The following STX7 variants were observed in gnomAD, a reference collection of about 807,000 sequenced individuals.
STX7 encodes the protein syntaxin 7.
In STX7, 34 loss-of-function variants were observed where a neutral mutation model predicts 39.6. The ratio of observed to expected loss-of-function variants is 0.86; its 90% confidence interval spans 0.65 to 1.14. The LOEUF (loss-of-function observed/expected upper bound fraction) is 1.14, where lower values mean the gene tolerates loss of function less well. Among genes scored for constraint, STX7 ranks in the 50% most tolerant of loss-of-function variants. STX7 has a pLI of 0.00. For synonymous variants in STX7, 119 were observed against 99.1 expected (o/e 1.20, Z -1.19); for missense variants, 284 against 310.4 (o/e 0.92, Z 0.64).
intron 2 of STX7, among the ~76,000 whole-genome samples, chr6:132,496,428 A>G (rs1422813635): frequency 2.0e-5 from 3 of 152,142 alleles, no homozygotes; most frequent in Admixed American, 1.3e-4. Context: ...TAATTCTGAC[A>G]GGATACAAAC....
intron 8 of STX7, among the ~76,000 whole-genome samples, chr6:132,467,662 G>A (rs1774596262): frequency 6.6e-6 from 1 of 152,080 alleles, no homozygotes; most frequent in African/African-American, 2.4e-5. Flanking sequence ...GATCTACTGG[G>A]GATACAGAGG....
chr6:132,485,804 T>C lies in STX7; in HGVS notation c.86-10142A>G, dbSNP rs147880497. Among the ~76,000 whole-genome samples the C allele has an allele frequency of 3.1e-3, 479 of 152,360 alleles. 3 individuals carry two copies. The highest frequency in any genetic ancestry group is 0.01 in the African/African-American group (431 of 41,580). Reference sequence around the variant, plus strand: ...CCTATTTGTCATCTGTATATCTTCTTTGTTGAAGTGTCTGTTCAAATAACA... The same window carrying C: ...CCTATTTGTCATCTGTATATCTTCTCTGTTGAAGTGTCTGTTCAAATAACA... On this transcript the variant is annotated intron_variant, in intron 2 of 9. Transcript: ENST00000367941.
Position 132,456,150 on chromosome 6 carries a change from T to C in STX7, c.*4608A>G, listed in dbSNP as rs1582639193. ...TGCCACCAAGAGAACGGCTCCTTTTTGGAGCCATTACACACAGATCATCAC... is the reference window on the plus strand; with the variant it reads ...TGCCACCAAGAGAACGGCTCCTTTTCGGAGCCATTACACACAGATCATCAC... On this transcript the variant is annotated 3_prime_UTR_variant, in exon 10 of 10. Transcript: ENST00000367941. The C allele has an allele frequency of 6.6e-6, 1 of 152,176 alleles. No homozygotes were observed. Among genetic ancestry groups the C allele is most frequent in the Non-Finnish European group, 1.5e-5 (1 of 68,034 alleles). 9.4% of individuals were successfully genotyped at this position (152,176 alleles called of 1,614,324 possible).
intron 8 of STX7, among the ~76,000 whole-genome samples, chr6:132,466,486 T>A (rs1413953923): frequency 6.6e-6 from 1 of 152,194 alleles, no homozygotes; most frequent in East Asian, 1.9e-4. Context: ...CCCTTCACTG[T>A]GCAAAAGCAA....
chr6:132,460,740 G>T lies in STX7; in HGVS notation c.*18C>A. 6.4e-7 allele frequency: 1 copy of T among 1,554,406 alleles called. No homozygotes were observed. On this transcript the variant is annotated 3_prime_UTR_variant, in exon 10 of 10. Transcript: ENST00000367941. ...ATAATTTAGACAATGTAGTGCGACA[G>T]TGTGCTCCTTTATAACTTCAGTGGT...
intron 2 of STX7, among the ~76,000 whole-genome samples, chr6:132,488,313 T>C (rs747760154): frequency 2.0e-5 from 3 of 152,228 alleles, no homozygotes; most frequent in Non-Finnish European, 4.4e-5. Flanking sequence ...ATAGAGTCTA[T>C]CTTAATAAAT....
intron 2 of STX7, among the ~76,000 whole-genome samples, chr6:132,502,823 T>C (rs956505398): frequency 6.6e-5 from 10 of 151,732 alleles, no homozygotes; most frequent in South Asian, 2.1e-4. Context: ...GGTGTGAACC[T>C]GGGAGGCGGA....
At chr6:132,502,058 T>G (rs1374839671) in intron 2 of STX7, among the ~76,000 whole-genome samples, 2 of 152,214 alleles carry the variant, frequency 1.3e-5, no homozygotes, top group Non-Finnish European at 2.9e-5. Context: ...CACTTCCTTG[T>G]TCTTCCAGAA....
At chr6:132,461,997 T>C (rs1202990799) in intron 9 of STX7, 1 of 822,348 alleles carries the variant, frequency 1.2e-6, no homozygotes, top group Non-Finnish European at 1.8e-6. Context: ...ATTCATCTAA[T>C]TTTTCCAGTG....
intron 9 of STX7, 67 bp downstream of exon 9, chr6:132,463,926 A>G (rs1774488153): frequency 2.0e-6 from 3 of 1,471,722 alleles, no homozygotes; most frequent in Non-Finnish European, 1.9e-6. Flanking sequence ...CTGCTTCCTC[A>G]ACACAAACAC....
chr6:132,464,482 G>T (rs1349809649), intron 8 of STX7, among the ~76,000 whole-genome samples: 1 of 152,142 alleles, frequency 6.6e-6, no homozygotes, highest in Non-Finnish European at 1.5e-5. Context: ...TACTGCTGAA[G>T]ATTTTGTTCA....
At chr6:132,479,236 T>C (rs1029957099) in intron 2 of STX7, among the ~76,000 whole-genome samples, 1 of 152,194 alleles carries the variant, frequency 6.6e-6, no homozygotes, top group African/African-American at 2.4e-5. Context: ...TTACCAGCTT[T>C]AGCTTCAACT....
At chr6:132,485,086 A>C (rs1775100129) in intron 2 of STX7, among the ~76,000 whole-genome samples, 1 of 152,220 alleles carries the variant, frequency 6.6e-6, no homozygotes, top group Non-Finnish European at 1.5e-5. Flanking sequence ...ACATATGTGT[A>C]CATCTGTAAA....
In STX7 at chr6:132,471,533, T is replaced by C; in HGVS notation, c.317A>G (p.Lys106Arg). 1.9e-6 allele frequency: 3 copies of C among 1,614,094 alleles called. No individual in the cohort carries two copies. Among genetic ancestry groups the C allele is most frequent in the Non-Finnish European group, 2.5e-6 (3 of 1,179,956 alleles). ...TCGCTCAGCAGCCTGCCTCTGGACC[T>C]TCTGGAAGTTTGTCAGTGATGTTGT... ...EFTTSLTNFQ[K>R]VQRQAAEREK... Residue 106 changes from lysine to arginine, a missense_variant, in exon 5 of 10, where the codon AAG becomes AGG. Coordinates refer to ENST00000367941, the MANE Select transcript of STX7 (RefSeq NM_003569.3).
chr6:132,483,057 AT>A (rs1775049656), intron 2 of STX7, among the ~76,000 whole-genome samples: 1 of 152,102 alleles, frequency 6.6e-6, no homozygotes, highest in Non-Finnish European at 1.5e-5. Flanking sequence ...GTCCTCAGTT[AT>A]TAAAAATTAC....
Position 132,458,698 on chromosome 6 carries a change from T to C in STX7, c.*2060A>G, listed in dbSNP as rs1774310314. On this transcript the variant is annotated 3_prime_UTR_variant, in exon 10 of 10. Transcript: ENST00000367941. ...AATTTGGCTACCATACTATGTTTCT[T>C]ATTTAATTTTCTCTAATCAATACTA... is the stretch of plus-strand genomic sequence containing the variant. The C allele has an allele frequency of 6.6e-6, 1 of 152,236 alleles. No individual in the cohort carries two copies. Among genetic ancestry groups the C allele is most frequent in the Non-Finnish European group, 1.5e-5 (1 of 68,042 alleles). 9.4% of individuals were successfully genotyped at this position (152,236 alleles called of 1,614,324 possible).
At chr6:132,503,644 C>T (rs960128367) in intron 1 of STX7, 56 bp from the exon 2 acceptor site, 3 of 737,822 alleles carry the variant, frequency 4.1e-6, no homozygotes. Flanking sequence ...CTTACATTTT[C>T]CAAATTAACA....
intron 8 of STX7, among the ~76,000 whole-genome samples, chr6:132,464,535 G>T (rs1774509386): frequency 6.9e-6 from 1 of 144,784 alleles, no homozygotes; most frequent in African/African-American, 2.5e-5. Flanking sequence ...AGAATATTAT[G>T]TCCTCAGAGG....
rs1252636795 is a variant in STX7 at position 132,501,047 on chromosome 6, A to C, written c.85+2399T>G. 1.3e-5 allele frequency among the ~76,000 whole-genome samples: 2 copies of C among 150,876 alleles called. 1 individual carries two copies. Among genetic ancestry groups the C allele is most frequent in the Admixed American group, 1.3e-4 (2 of 15,168 alleles). ...AGATGGTGACTGTACCTTCACCTGC[A>C]TGAACAGTCCCTGTCTTTTTTTTTT... On this transcript the variant is annotated intron_variant, in intron 2 of 9. Transcript: ENST00000367941.
Sources: gnomAD v4.1 joint callset for allele counts (sites outside exome capture counted in the v4.1 genomes callset) on GRCh38, gnomAD v4.1.1 for gene constraint, MANE v1.5 for transcripts, NCBI Gene and HGNC (gene_info 2026-07-23, HGNC 2026-07-21) for gene names.